The following ANKS1B variants were observed in gnomAD, a reference collection of about 807,000 sequenced individuals.
The protein encoded by ANKS1B is ankyrin repeat and sterile alpha motif domain containing 1B.
ANKS1B carries 36 observed loss-of-function variants against 148.3 expected under a neutral mutation model. The observed-to-expected ratio is 0.24, with a 90% CI of 0.19 to 0.32. The LOEUF is 0.32. ANKS1B is among the 10% of genes least tolerant of loss of function. The pLI is 1.00. For synonymous variants in ANKS1B, 542 were observed against 560.8 expected (o/e 0.97, Z 0.47); for missense variants, 1,157 against 1,542.6 (o/e 0.75, Z 4.19).
chr12:99,661,257 A>G (rs1447790426), intron 8 of ANKS1B, among the ~76,000 whole-genome samples: 1 of 152,158 alleles, frequency 6.6e-6, no homozygotes, highest in African/African-American at 2.4e-5. Flanking sequence ...AAATTTACTG[A>G]AGCTCCAGAG....
At chr12:99,146,844 G>T (rs917417702) in intron 15 of ANKS1B, among the ~76,000 whole-genome samples, 1 of 152,116 alleles carries the variant, frequency 6.6e-6, no homozygotes, top group African/African-American at 2.4e-5. Flanking sequence ...GGGGATAAAA[G>T]CATACATCTA....
chr12:99,118,562 T>C (rs2061959605), intron 15 of ANKS1B, among the ~76,000 whole-genome samples: 1 of 152,196 alleles, frequency 6.6e-6, no homozygotes, highest in South Asian at 2.1e-4. Flanking sequence ...GGGAATGAAG[T>C]TAATATTCCA....
intron 12 of ANKS1B, among the ~76,000 whole-genome samples, chr12:99,328,952 C>T (rs1406297190): frequency 6.6e-6 from 1 of 151,948 alleles, no homozygotes; most frequent in Middle Eastern, 3.4e-3. Flanking sequence ...GAGAAACATA[C>T]TGGCTAGAAT....
At chr12:99,025,615 G>T (rs1308527416) in intron 17 of ANKS1B, among the ~76,000 whole-genome samples, 1 of 152,152 alleles carries the variant, frequency 6.6e-6, no homozygotes, top group African/African-American at 2.4e-5. Context: ...ATAGGAAAGG[G>T]CAAGGACAAA....
At chr12:99,137,243 T>C (rs1385790223) in intron 15 of ANKS1B, among the ~76,000 whole-genome samples, 2 of 152,192 alleles carry the variant, frequency 1.3e-5, no homozygotes, top group Admixed American at 1.3e-4. Flanking sequence ...AATAAAACGC[T>C]TTCTAACAGG....
intron 25 of ANKS1B, among the ~76,000 whole-genome samples, chr12:98,762,306 T>C (rs1312250449): frequency 6.6e-6 from 1 of 151,934 alleles, no homozygotes; most frequent in Admixed American, 6.6e-5. Context: ...ACCCTGGGAG[T>C]TTCAGGATTC....
chr12:98,887,057 T>A (rs962821687), intron 17 of ANKS1B, among the ~76,000 whole-genome samples: 10 of 152,174 alleles, frequency 6.6e-5, no homozygotes, highest in Non-Finnish European at 1.5e-4. Flanking sequence ...AGGCAATGGA[T>A]CCATTTGAAC....
chr12:99,126,984 TA>T (rs150492153), intron 15 of ANKS1B, among the ~76,000 whole-genome samples: 2,275 of 152,050 alleles, frequency 0.015, 59 homozygotes, highest in African/African-American at 0.052. Context: ...ACCTTGAATT[TA>T]AAAAAAACTA....
At chr12:99,964,580 T>C (rs1483416835) in intron 1 of ANKS1B, among the ~76,000 whole-genome samples, 1 of 152,166 alleles carries the variant, frequency 6.6e-6, no homozygotes, top group African/African-American at 2.4e-5. Context: ...TGAGAGGGCA[T>C]CCCTTCTGGC....
rs554713362 is a variant in ANKS1B, at chr12:99,319,600, A to G, written c.1757-72736T>C. Among the ~76,000 whole-genome samples, 5 of 152,308 alleles carry G rather than the reference A, an allele frequency of 3.3e-5. No homozygotes were observed. In the South Asian group the frequency reaches 1.0e-3, roughly 32 times the overall value. On this transcript the variant is annotated intron_variant, in intron 12 of 26. Coordinates refer to ENST00000683438, the MANE Select transcript of ANKS1B (RefSeq NM_001352186.2). Reference sequence around the variant, plus strand: ...CACGTGAGATGGGTTTCCTGAATACAGCACACTGATGGTTCTTGAGTCTTT... The same window carrying G: ...CACGTGAGATGGGTTTCCTGAATACGGCACACTGATGGTTCTTGAGTCTTT...
At chr12:99,369,929 G>C (rs1046772477) in intron 12 of ANKS1B, among the ~76,000 whole-genome samples, 3 of 151,764 alleles carry the variant, frequency 2.0e-5, no homozygotes, top group Admixed American at 1.3e-4. Context: ...AATGTAGGTT[G>C]TTGGGTGATG....
At chr12:99,238,436 A>G (rs1028953912) in intron 14 of ANKS1B, among the ~76,000 whole-genome samples, 4 of 152,248 alleles carry the variant, frequency 2.6e-5, no homozygotes, top group African/African-American at 9.6e-5. Context: ...ACTGCAGCTT[A>G]GCAAGGCCTA....
chr12:98,955,824 A>G (rs1387048819), intron 17 of ANKS1B, among the ~76,000 whole-genome samples: 1 of 152,232 alleles, frequency 6.6e-6, no homozygotes, highest in African/African-American at 2.4e-5. Context: ...TGAGTTTGAC[A>G]TATCTTTTAG....
At chr12:99,206,047 C>A (rs568492749) in intron 14 of ANKS1B, among the ~76,000 whole-genome samples, 2 of 152,092 alleles carry the variant, frequency 1.3e-5, no homozygotes, top group Non-Finnish European at 2.9e-5. Context: ...AGCAACCCAC[C>A]ACCAAAAGAT....
At chr12:99,490,808 C>T (rs1248349077) in intron 10 of ANKS1B, among the ~76,000 whole-genome samples, 1 of 151,996 alleles carries the variant, frequency 6.6e-6, no homozygotes, top group Non-Finnish European at 1.5e-5. Flanking sequence ...TCATATAATA[C>T]TAAATGAAAA....
chr12:98,955,326 G>C (rs2099860446), intron 17 of ANKS1B, among the ~76,000 whole-genome samples: 1 of 152,174 alleles, frequency 6.6e-6, no homozygotes, highest in Non-Finnish European at 1.5e-5. Context: ...CCCAGAGAGT[G>C]GAACAGCAGG....
Position 98,781,221 on chromosome 12 carries a change from A to G in ANKS1B, c.3355-18T>C, listed in dbSNP as rs982646065. ...GTAGACTTCTGAAATTAAAATTAGA[A>G]AGCTGTTAGAGCAGTTTGTGTTGCG... On this transcript the variant is annotated intron_variant, in intron 23 of 26. Transcript: ENST00000683438. 16 of 1,511,698 alleles carry G rather than the reference A, an allele frequency of 1.1e-5. No individual in the cohort carries two copies. The Admixed American group carries it at 1.2e-4, about 11-fold the overall frequency. 93.6% of individuals were successfully genotyped at this position (1,511,698 alleles called of 1,614,324 possible). A position where few individuals can be genotyped will look rare whatever the true frequency, so the allele number is the denominator to read the frequency against.
chr12:98,995,869 G>A (rs773246237), intron 17 of ANKS1B, among the ~76,000 whole-genome samples: 1 of 152,184 alleles, frequency 6.6e-6, no homozygotes, highest in Non-Finnish European at 1.5e-5. Context: ...TGCAATCAGA[G>A]TACAGGGAAG....
intron 8 of ANKS1B, among the ~76,000 whole-genome samples, chr12:99,670,062 T>C (rs2098529270): frequency 6.6e-6 from 1 of 151,426 alleles, no homozygotes; most frequent in African/African-American, 2.4e-5. Context: ...TATTACCTCA[T>C]GGAAGTTTGA....
Sources: gnomAD v4.1 joint callset for allele counts (sites outside exome capture counted in the v4.1 genomes callset) on GRCh38, gnomAD v4.1.1 for gene constraint, MANE v1.5 for transcripts, NCBI Gene and HGNC (gene_info 2026-07-23, HGNC 2026-07-21) for gene names.